GSK3B: variants seen among roughly 807,000 people sequenced by gnomAD.
The protein encoded by GSK3B is glycogen synthase kinase 3 beta, also known as glycogen synthase kinase-3 beta.
Under a neutral mutation model 56.4 loss-of-function variants are expected in GSK3B, and 15 were observed. That is an observed-to-expected ratio of 0.27 (90% CI 0.18 to 0.41). The LOEUF is 0.41. Ranked by LOEUF, GSK3B falls within the 10% of genes least tolerant of loss-of-function variation. GSK3B has a pLI of 1.00. For synonymous variants in GSK3B, 181 were observed against 188.9 expected (o/e 0.96, Z 0.34); for missense variants, 300 against 513.4 (o/e 0.58, Z 4.02).
In GSK3B at chr3:119,850,811, T is replaced by A. The variant is rs2055919903; in HGVS notation, c.1097-7458A>T. 2.6e-5 allele frequency among the ~76,000 whole-genome samples: 4 copies of A among 152,018 alleles called. No individual in the cohort carries two copies. The South Asian group carries it at 8.3e-4, about 31-fold the overall frequency. On this transcript the variant is annotated intron_variant, in intron 9 of 10. Transcript: ENST00000264235. ...AGTGTTGAAGAGACTGAAATTGAAATGTAAGGTAATATTTATTTACTAGAT... is the reference window on the plus strand; with the variant it reads ...AGTGTTGAAGAGACTGAAATTGAAAAGTAAGGTAATATTTATTTACTAGAT...
chr3:119,882,941 T>C (rs967649847), intron 7 of GSK3B, among the ~76,000 whole-genome samples: 1 of 152,304 alleles, frequency 6.6e-6, no homozygotes, highest in African/African-American at 2.4e-5. Context: ...GTTAAGAGGC[T>C]TTAACTACCA....
chr3:119,863,514 G>A lies in GSK3B; in HGVS notation c.1001C>T (p.Ala334Val). The change falls in exon 9 of 11, where the codon GCT becomes GTT. Residue 334 changes from alanine to valine, a missense_variant. By Grantham distance (64) the Ala-to-Val change is moderately conservative. Transcript: ENST00000264235. ...TTCATCAAAAAATGAATGTGCACAAGCTTCCAGTGGTGTTAGTCGGGCAGT... is the reference window on the plus strand; with the variant it reads ...TTCATCAAAAAATGAATGTGCACAAACTTCCAGTGGTGTTAGTCGGGCAGT... Reference protein sequence around the residue: ...TPTARLTPLEACAHSFFDELR... With the variant: ...TPTARLTPLEVCAHSFFDELR... The A allele has an allele frequency of 6.2e-7, 1 of 1,613,558 alleles. No individual in the cohort carries two copies. The highest frequency in any genetic ancestry group is 8.5e-7 in the Non-Finnish European group (1 of 1,179,426).
At chr3:120,021,034 C>T (rs1215533810) in intron 1 of GSK3B, among the ~76,000 whole-genome samples, 1 of 152,120 alleles carries the variant, frequency 6.6e-6, no homozygotes, top group African/African-American at 2.4e-5. Flanking sequence ...CGACAGAAGC[C>T]TTCAAGGAAG....
chr3:119,964,404 T>C (rs2057300928), intron 2 of GSK3B, among the ~76,000 whole-genome samples: 1 of 152,138 alleles, frequency 6.6e-6, no homozygotes, highest in Non-Finnish European at 1.5e-5. Context: ...GGTATATACA[T>C]ACAATAGAAT....
Position 119,863,433 on chromosome 3 carries a change from T to TTGAAGAGTGCAGGTGTAG in GSK3B, c.1081_1082insCTACACCTGCACTCTTCA (p.Phe360_Asn361insThrThrProAlaLeuPhe). ...TTTGGAGTTACCTTGAGTGGTGAAG[T>TTGAAGAGTGCAGGTGTAG]TGAAGAGTGCAGGTGTGTCTCGCCC... On this transcript the variant is annotated inframe_insertion, in exon 9 of 11. Transcript: ENST00000264235. 1 of 1,613,796 alleles carries TTGAAGAGTGCAGGTGTAG rather than the reference T, an allele frequency of 6.2e-7. No homozygotes were observed. The highest frequency in any genetic ancestry group is 8.5e-7 in the Non-Finnish European group (1 of 1,179,690).
chr3:119,999,627 C>T (rs2057656356), intron 2 of GSK3B, among the ~76,000 whole-genome samples: 1 of 152,050 alleles, frequency 6.6e-6, no homozygotes, highest in Non-Finnish European at 1.5e-5. Context: ...TATGGAATTT[C>T]CTAGGTTATG....
chr3:119,970,009 C>G (rs986021537), intron 2 of GSK3B, among the ~76,000 whole-genome samples: 20 of 152,218 alleles, frequency 1.3e-4, no homozygotes, highest in African/African-American at 4.8e-4. Context: ...AGCCCTCTCA[C>G]AGTTAGCAGA....
At chr3:119,883,612 A>G (rs2056402437) in intron 7 of GSK3B, among the ~76,000 whole-genome samples, 1 of 152,164 alleles carries the variant, frequency 6.6e-6, no homozygotes, top group South Asian at 2.1e-4. Flanking sequence ...ATTTACAAAA[A>G]TGGGTAGAAG....
chr3:119,923,135 G>GA (rs1476479302), intron 4 of GSK3B, among the ~76,000 whole-genome samples: 1 of 152,106 alleles, frequency 6.6e-6, no homozygotes, highest in Non-Finnish European at 1.5e-5. Flanking sequence ...AAATGTCTGT[G>GA]AAAAATATTC....
intron 1 of GSK3B, among the ~76,000 whole-genome samples, chr3:120,053,696 T>C (rs1022428416): frequency 3.3e-5 from 5 of 152,214 alleles, no homozygotes; most frequent in South Asian, 2.1e-4. Context: ...CTACGTGTTG[T>C]GGGAGGGACC....
chr3:119,947,864 C>T (rs1407930973), intron 2 of GSK3B, among the ~76,000 whole-genome samples: 2 of 140,940 alleles, frequency 1.4e-5, no homozygotes, highest in African/African-American at 2.7e-5. Context: ...CAGAGCGAAA[C>T]TCCATCTCAA....
intron 1 of GSK3B, among the ~76,000 whole-genome samples, chr3:120,049,024 GT>G (rs2058126166): frequency 6.6e-6 from 1 of 152,166 alleles, no homozygotes; most frequent in Middle Eastern, 3.2e-3. Context: ...GGCAAATCTA[GT>G]TCCTTTTTAA....
At chr3:120,090,038 T>C (rs1286247697) in intron 1 of GSK3B, among the ~76,000 whole-genome samples, 4 of 152,218 alleles carry the variant, frequency 2.6e-5, no homozygotes, top group East Asian at 1.9e-4. Flanking sequence ...TAGATAAATT[T>C]TGCATTTAAA....
rs1194847052 is a variant in GSK3B at position 120,026,995 on chromosome 3, CAGGAGGCGG to C, written c.89-24765_89-24757del. On this transcript the variant is annotated intron_variant, in intron 1 of 10. Transcript: ENST00000264235. ...CTGAGGCAGGAGAATCACTTGAACC[CAGGAGGCGG>C]AGGTTGCAGTGAGCTGAGATCGCAC... Among the ~76,000 whole-genome samples the C allele has an allele frequency of 6.0e-5, 9 of 149,810 alleles. 1 individual carries two copies. The highest frequency in any genetic ancestry group is 1.2e-4 in the Non-Finnish European group (8 of 67,516).
At chr3:119,988,403 G>A (rs1410941397) in intron 2 of GSK3B, among the ~76,000 whole-genome samples, 18 of 152,146 alleles carry the variant, frequency 1.2e-4, no homozygotes, top group Admixed American at 6.5e-5. Context: ...GAAACTATCT[G>A]TGAGTATTCT....
At chr3:120,027,520 A>C (rs960528529) in intron 1 of GSK3B, among the ~76,000 whole-genome samples, 3 of 152,220 alleles carry the variant, frequency 2.0e-5, no homozygotes, top group African/African-American at 7.2e-5. Flanking sequence ...TTAAGGCATT[A>C]TTTACCATAT....
intron 10 of GSK3B, among the ~76,000 whole-genome samples, chr3:119,831,697 G>C (rs1212410433): frequency 6.6e-6 from 1 of 151,606 alleles, no homozygotes; most frequent in African/African-American, 2.4e-5. Context: ...TTTATGATAA[G>C]AAAAATTAAG....
chr3:120,053,533 A>G (rs977424857), intron 1 of GSK3B, among the ~76,000 whole-genome samples: 3 of 152,212 alleles, frequency 2.0e-5, no homozygotes, highest in African/African-American at 7.2e-5. Context: ...GACCAACCAC[A>G]TCAATGAGTT....
rs1002648514 is a variant in GSK3B at position 120,094,416 on chromosome 3, C to T, written c.-982G>A. ...GGCGGCGGCGGCGGCGGCACAAGCC[C>T]GCATTCGCCCGGGTCAGGAGCTGCT... is the stretch of plus-strand genomic sequence containing the variant. On this transcript the variant is annotated 5_prime_UTR_variant, in exon 1 of 11. Coordinates refer to ENST00000264235, the MANE Select transcript of GSK3B (RefSeq NM_001146156.2). The T allele has an allele frequency of 3.1e-6, 1 of 318,344 alleles. No homozygotes were observed. The highest frequency in any genetic ancestry group is 5.8e-6 in the Non-Finnish European group (1 of 172,160). The allele number at this position is 318,344 out of a possible 1,614,324, so 19.7% of individuals were successfully genotyped here. A position where few individuals can be genotyped will look rare whatever the true frequency, so the allele number is the denominator to read the frequency against.
Sources: gnomAD v4.1 joint callset for allele counts (sites outside exome capture counted in the v4.1 genomes callset) on GRCh38, gnomAD v4.1.1 for gene constraint, MANE v1.5 for transcripts, NCBI Gene and HGNC (gene_info 2026-07-23, HGNC 2026-07-21) for gene names.